Variants in SULT6B1 observed in about 807,000 individuals in gnomAD.
SULT6B1 encodes sulfotransferase family 6B member 1.
In SULT6B1, 44 loss-of-function variants were observed where a neutral mutation model predicts 37.2. That is an observed-to-expected ratio of 1.18 (90% CI 0.93 to 1.52). The LOEUF is 1.52. Among genes scored for constraint, SULT6B1 ranks in the 40% most tolerant of loss-of-function variants. The pLI, the probability that SULT6B1 is intolerant of heterozygous loss-of-function variation, is 0.00. For missense variants in SULT6B1, 450 were observed against 361.0 expected (o/e 1.25, Z -2.00); for synonymous variants, 140 against 126.0 (o/e 1.11, Z -0.74).
At chr2:37,172,011 T>C (rs529789688) in intron 5 of SULT6B1, among the ~76,000 whole-genome samples, 37 of 152,130 alleles carry the variant, frequency 2.4e-4, no homozygotes, top group African/African-American at 8.2e-4. Flanking sequence ...TTAATTCCAT[T>C]AAGAAAGTCT....
At position 37,171,580 on chromosome 2, in the gene SULT6B1, G is replaced by T. The variant is rs756547513; in HGVS notation, c.635C>A (p.Ala212Asp). 2.5e-6 allele frequency: 4 copies of T among 1,612,050 alleles called. No individual in the cohort carries two copies. The highest frequency in any genetic ancestry group is 2.5e-6 in the Non-Finnish European group (3 of 1,179,420). The change falls in exon 6 of 7, where the codon GCT (alanine) becomes GAT (aspartate). Residue 212 changes from alanine to aspartate, a missense_variant. Coordinates refer to ENST00000535679, the MANE Select transcript of SULT6B1 (RefSeq NM_001367551.1). ...GAACTCAGCAATCTGTTTTATTCCA[G>T]CAGCCAGATTCTGTAAAAAAATTTT... ...LYEDLKENLA[A>D]GIKQIAEFLG...
chr2:37,184,298 C>T (rs1331049814), intron 2 of SULT6B1, among the ~76,000 whole-genome samples: 2 of 152,128 alleles, frequency 1.3e-5, no homozygotes, highest in African/African-American at 2.4e-5. Flanking sequence ...CTCAATGGAA[C>T]CTGAAAGTAC....
At chr2:37,184,325 C>G (rs1383983192) in intron 2 of SULT6B1, among the ~76,000 whole-genome samples, 2 of 152,146 alleles carry the variant, frequency 1.3e-5, no homozygotes, top group African/African-American at 4.8e-5. Flanking sequence ...ACTTAAATGT[C>G]CGAGAAATGT....
chr2:37,184,692 C>T lies in SULT6B1; in HGVS notation c.313-1178G>A, dbSNP rs544113041. 3.7e-3 allele frequency among the ~76,000 whole-genome samples: 564 copies of T among 152,246 alleles called. 4 individuals are homozygous for T. The highest frequency in any genetic ancestry group is 6.8e-3 in the Middle Eastern group (2 of 294). On this transcript the variant is annotated intron_variant, in intron 2 of 6. Coordinates refer to ENST00000535679, the MANE Select transcript of SULT6B1 (RefSeq NM_001367551.1). ...CTAAAAATACAAAAAATTAGCTGGG[C>T]GTGGTGGTGCACACCTGTAGTCCCA...
At chr2:37,179,325 G>T in intron 4 of SULT6B1, 133 bp downstream of exon 4, 1 of 1,119,398 alleles carries the variant, frequency 8.9e-7, no homozygotes, top group Non-Finnish European at 1.3e-6. Context: ...TGCTATGACC[G>T]TTCATTTAAA....
At chr2:37,182,446 G>T (rs1299349184) in intron 3 of SULT6B1, among the ~76,000 whole-genome samples, 2 of 151,910 alleles carry the variant, frequency 1.3e-5, no homozygotes, top group African/African-American at 4.8e-5. Context: ...GCAAAAATTG[G>T]GGGTTTTGCC....
At chr2:37,182,784 T>C (rs1676584937) in intron 3 of SULT6B1, among the ~76,000 whole-genome samples, 1 of 152,200 alleles carries the variant, frequency 6.6e-6, no homozygotes. Flanking sequence ...ATATCAATAC[T>C]GATTAATAAA....
Position 37,188,491 on chromosome 2 carries a change from G to T in SULT6B1, c.150C>A (p.Thr50=). 1 of 1,614,160 alleles carries T rather than the reference G, an allele frequency of 6.2e-7. No individual in the cohort carries two copies. The highest frequency in any genetic ancestry group is 8.5e-7 in the Non-Finnish European group (1 of 1,180,010). Reference sequence around the variant, plus strand: ...CGATGTCATCATGTCTGGCTTCGAAGGTGTCCAGCGCTTGGAAAGTTTCTG... The same window carrying T: ...CGATGTCATCATGTCTGGCTTCGAATGTGTCCAGCGCTTGGAAAGTTTCTG... The part of the protein sequence containing the change: ...CTSETFQALD[T]FEARHDDIVL... Residue 50 remains threonine, a synonymous_variant, in exon 1 of 7, where the codon ACC becomes ACA. Coordinates refer to ENST00000535679, the MANE Select transcript of SULT6B1 (RefSeq NM_001367551.1).
intron 5 of SULT6B1, among the ~76,000 whole-genome samples, chr2:37,174,227 C>CTTTTTT (rs35100458): frequency 2.1e-4 from 12 of 58,464 alleles, no homozygotes; most frequent in Non-Finnish European, 2.5e-4. Context: ...TCTTCCTATT[C>CTTTTTT]TTTTTTTTTT....
intron 5 of SULT6B1, among the ~76,000 whole-genome samples, chr2:37,172,856 G>A (rs958864066): frequency 1.1e-4 from 16 of 147,602 alleles, no homozygotes; most frequent in East Asian, 8.3e-4. Flanking sequence ...TTGGTTTTTC[G>A]TTTGTTTGTT....
At position 37,167,839 on chromosome 2, in the gene SULT6B1, A is replaced by T; in HGVS notation, c.*96T>A. ...TATTATTTAGATTTCAATATTGTTT[A>T]ATTATTATTTGATTATTTGATTGAA... On this transcript the variant is annotated 3_prime_UTR_variant, in exon 7 of 7. Transcript: ENST00000535679. 1 of 1,055,660 alleles carries T rather than the reference A, an allele frequency of 9.5e-7. No homozygotes were observed. The highest frequency in any genetic ancestry group is 1.3e-6 in the Non-Finnish European group (1 of 787,638). 65.4% of individuals were successfully genotyped at this position (1,055,660 alleles called of 1,614,324 possible). A position where few individuals can be genotyped will look rare whatever the true frequency, so the allele number is the denominator to read the frequency against.
At chr2:37,179,144 G>T (rs10205589) in intron 4 of SULT6B1, among the ~76,000 whole-genome samples, 1 of 151,836 alleles carries the variant, frequency 6.6e-6, no homozygotes, top group East Asian at 1.9e-4. Flanking sequence ...ATTTTTAGTA[G>T]AGATGGGGTT....
chr2:37,178,350 C>G (rs1676475430), intron 4 of SULT6B1, among the ~76,000 whole-genome samples: 1 of 152,130 alleles, frequency 6.6e-6, no homozygotes, highest in African/African-American at 2.4e-5. Flanking sequence ...AGTCTTCTGC[C>G]TCAGCCTACT....
chr2:37,179,243 C>G (rs1209999063), intron 4 of SULT6B1, among the ~76,000 whole-genome samples: 1 of 152,208 alleles, frequency 6.6e-6, no homozygotes, highest in African/African-American at 2.4e-5. Context: ...CAGGCGTGAG[C>G]CACCACACCT....
Position 37,171,554 on chromosome 2 carries a change from A to G in SULT6B1, c.661T>C (p.Leu221=), listed in dbSNP as rs1676300436. ...AAGIKQIAEF[L]GFFLTGEQIQ... is the part of the protein sequence containing the mutation. ...TGCTCCCCAGTTAGAAAGAATCCCA[A>G]GAACTCAGCAATCTGTTTTATTCCA... Residue 221 remains leucine (L), a synonymous_variant, in exon 6 of 7, where the codon TTG becomes CTG. Transcript: ENST00000535679. The G allele has an allele frequency of 1.2e-6, 2 of 1,613,984 alleles. No homozygotes were observed. Among genetic ancestry groups the G allele is most frequent in the African/African-American group, 2.7e-5 (2 of 74,938 alleles).
chr2:37,179,710 A>G (rs892040558), intron 3 of SULT6B1, 126 bp from the exon 4 acceptor site: 9 of 835,290 alleles, frequency 1.1e-5, no homozygotes, highest in African/African-American at 1.7e-5. Flanking sequence ...TAGAGAAAGA[A>G]TGACAGTAGG....
At chr2:37,183,265 T>C (rs1347336380) in intron 3 of SULT6B1, among the ~76,000 whole-genome samples, 160 bp downstream of exon 3, 1 of 152,188 alleles carries the variant, frequency 6.6e-6, no homozygotes, top group Non-Finnish European at 1.5e-5. Flanking sequence ...AGTGCAACTA[T>C]AGCAAATATA....
At position 37,187,391 on chromosome 2, in the gene SULT6B1, G is replaced by T; in HGVS notation, c.276C>A (p.Phe92Leu). ...CTGAATCCCCACATTCAAGAACTGG[G>T]AATTCTGGATATTTATACTTTTTTT... Reference protein sequence around the residue: ...VSKKKYKYPEFPVLECGDSEK... With the variant: ...VSKKKYKYPELPVLECGDSEK... The change falls in exon 2 of 7, where the codon TTC becomes TTA. Residue 92 changes from phenylalanine (F) to leucine (L), a missense_variant. Phe to Leu is a conservative substitution (Grantham distance 22, BLOSUM62 0). Transcript: ENST00000535679. The T allele has an allele frequency of 6.2e-7, 1 of 1,607,192 alleles. No individual in the cohort carries two copies. The highest frequency in any genetic ancestry group is 8.5e-7 in the Non-Finnish European group (1 of 1,175,162).
At chr2:37,181,596 G>C (rs1315848864) in intron 3 of SULT6B1, among the ~76,000 whole-genome samples, 1 of 148,744 alleles carries the variant, frequency 6.7e-6, no homozygotes, top group African/African-American at 2.5e-5. Context: ...GCCAAGGCTG[G>C]TCTTGAACTC....
Sources: allele counts gnomAD v4.1 joint callset (sites outside exome capture counted in the v4.1 genomes callset), GRCh38; gene constraint gnomAD v4.1.1; transcripts MANE v1.5; gene names NCBI Gene and HGNC (gene_info 2026-07-23, HGNC 2026-07-21).